BFSP1: variants seen among roughly 807,000 people sequenced by gnomAD.
The protein encoded by BFSP1 is filensin.
In BFSP1, 38 loss-of-function variants were observed where a neutral mutation model predicts 43.9. The ratio of observed to expected loss-of-function variants is 0.87; its 90% confidence interval spans 0.67 to 1.14. The LOEUF is 1.14. BFSP1 is among the 50% of genes most tolerant of loss of function. The pLI is 0.00. For missense variants in BFSP1, 850 were observed against 875.1 expected, an observed-to-expected ratio of 0.97 and a Z score of 0.36; for synonymous variants, 352 against 354.8, an observed-to-expected ratio of 0.99 and a Z score of 0.09.
chr20:17,513,002 C>T (rs2034122023), intron 3 of BFSP1, among the ~76,000 whole-genome samples: 1 of 152,206 alleles, frequency 6.6e-6, no homozygotes, highest in South Asian at 2.1e-4. Flanking sequence ...CCTTGGCCAA[C>T]AAATGGTCAT....
chr20:17,506,000 A>C (rs1227995252), intron 5 of BFSP1, among the ~76,000 whole-genome samples: 1 of 152,218 alleles, frequency 6.6e-6, no homozygotes, highest in Non-Finnish European at 1.5e-5. Flanking sequence ...ACCCTTTTTT[A>C]AGGAAAGGAG....
intron 1 of BFSP1, among the ~76,000 whole-genome samples, chr20:17,557,892 C>T (rs2123597543): frequency 1.3e-5 from 2 of 152,170 alleles, no homozygotes; most frequent in East Asian, 3.8e-4. Context: ...ATACAATGGC[C>T]TTTTCATTGG....
intron 2 of BFSP1, among the ~76,000 whole-genome samples, chr20:17,523,483 G>C (rs2034357519): frequency 6.6e-6 from 1 of 151,900 alleles, no homozygotes; most frequent in Admixed American, 6.6e-5. Context: ...ATGAGCTACA[G>C]GTGTCAGCAG....
chr20:17,504,509 G>A (rs1183416054), intron 5 of BFSP1, among the ~76,000 whole-genome samples: 1 of 152,186 alleles, frequency 6.6e-6, no homozygotes, highest in Non-Finnish European at 1.5e-5. Context: ...TCCAGCAGGG[G>A]AGGCACGCCC....
At chr20:17,515,757 T>G (rs2034185996) in intron 2 of BFSP1, among the ~76,000 whole-genome samples, 1 of 152,246 alleles carries the variant, frequency 6.6e-6, no homozygotes, top group African/African-American at 2.4e-5. Flanking sequence ...AAGATACCTC[T>G]GCCATGCACA....
intron 1 of BFSP1, among the ~76,000 whole-genome samples, chr20:17,553,988 T>C (rs1354883782): frequency 6.6e-6 from 1 of 150,896 alleles, no homozygotes; most frequent in African/African-American, 2.4e-5. Flanking sequence ...GCAGATGGCA[T>C]ATTTTTAGCA....
intron 2 of BFSP1, chr20:17,516,987 C>T: frequency 1.3e-6 from 1 of 761,282 alleles, no homozygotes; most frequent in Non-Finnish European, 2.4e-6. Context: ...TGCTAGCAAG[C>T]AACTGGAGGA....
At chr20:17,558,711 CCTT>C (rs1325778528) in exon 1 of BFSP1, 2 of 1,551,934 alleles carry the variant, frequency 1.3e-6, no homozygotes, top group African/African-American at 1.4e-5. Context: ...CATGGAGGCT[CCTT>C]CTGTGAAATT....
At chr20:17,556,461 T>G (rs1232236914) in intron 1 of BFSP1, among the ~76,000 whole-genome samples, 1 of 151,966 alleles carries the variant, frequency 6.6e-6, no homozygotes, top group Non-Finnish European at 1.5e-5. Context: ...ATCACACCAC[T>G]GCACTCCAGC....
At chr20:17,538,542 A>C (rs1182088454) in intron 1 of BFSP1, among the ~76,000 whole-genome samples, 2 of 152,210 alleles carry the variant, frequency 1.3e-5, no homozygotes, top group Non-Finnish European at 2.9e-5. Flanking sequence ...TGGTATCATG[A>C]TCTCAGCAAC....
intron 1 of BFSP1, among the ~76,000 whole-genome samples, chr20:17,566,750 G>T (rs1481984514): frequency 6.6e-6 from 1 of 152,192 alleles, no homozygotes; most frequent in Non-Finnish European, 1.5e-5. Flanking sequence ...TGCCTCCTGG[G>T]TTCAAGCAAT....
chr20:17,518,096 G>A (rs899930189), intron 2 of BFSP1, among the ~76,000 whole-genome samples: 2 of 152,292 alleles, frequency 1.3e-5, no homozygotes, highest in Admixed American at 1.3e-4. Context: ...CAGCACCACT[G>A]CCCACTGGGA....
Position 17,507,569 on chromosome 20 carries a change from CAT to C in BFSP1, c.735+1318_735+1319del, listed in dbSNP as rs2033969112. Among the ~76,000 whole-genome samples the C allele has an allele frequency of 6.6e-6, 1 of 151,972 alleles. No homozygotes were observed. The highest frequency in any genetic ancestry group is 2.4e-5 in the African/African-American group (1 of 41,364). On this transcript the variant is annotated intron_variant, in intron 5 of 7. Coordinates refer to ENST00000377873, the MANE Select transcript of BFSP1 (RefSeq NM_001195.5). The surrounding 1 kb of genome is among the most constrained non-coding windows in gnomAD (Gnocchi z 4.4). ...CCTATTCACATACACAGCACACACACATACACATGACACACACACACCACACA... is the reference window on the plus strand; with the variant it reads ...CCTATTCACATACACAGCACACACACACACATGACACACACACACCACACA...
Position 17,546,763 on chromosome 20 carries a change from C to T in BFSP1, c.2+11925G>A, listed in dbSNP as rs540609355. Among the ~76,000 whole-genome samples the T allele has an allele frequency of 7.6e-4, 115 of 152,102 alleles. 1 individual carries two copies. The highest frequency in any genetic ancestry group is 2.7e-3 in the African/African-American group (111 of 41,508). Reference sequence around the variant, plus strand: ...TGTTTCAGCTAGGAGCGGTGGCTTACGCCTGTAATCCCAATACTTTGGGAG... The same window carrying T: ...TGTTTCAGCTAGGAGCGGTGGCTTATGCCTGTAATCCCAATACTTTGGGAG... On this transcript the variant is annotated intron_variant, in intron 1 of 7. Coordinates refer to the BFSP1 transcript ENST00000377868.
At chr20:17,545,227 T>C (rs925939915) in intron 1 of BFSP1, among the ~76,000 whole-genome samples, 3 of 152,152 alleles carry the variant, frequency 2.0e-5, no homozygotes, top group African/African-American at 4.8e-5. Context: ...AGGCAAAGCA[T>C]GAGCATTGAC....
At chr20:17,508,686 A>C (rs1171021001) in intron 5 of BFSP1, among the ~76,000 whole-genome samples, 2 of 151,668 alleles carry the variant, frequency 1.3e-5, no homozygotes, top group Non-Finnish European at 2.9e-5. Context: ...CCAGCTCAGG[A>C]CTCTCCCTGT....
Position 17,548,289 on chromosome 20 carries a change from A to T in BFSP1, c.2+10399T>A, listed in dbSNP as rs571223026. On this transcript the variant is annotated intron_variant, in intron 1 of 7. Coordinates refer to the BFSP1 transcript ENST00000377868. ...TCTCTAGTCTCTCATTTTTATTAAA[A>T]ACAAATTATGGTACGATCAATTTAT... is the stretch of plus-strand genomic sequence containing the variant. Among the ~76,000 whole-genome samples the T allele has an allele frequency of 3.9e-5, 6 of 152,238 alleles. No homozygotes were observed. In the South Asian group the frequency reaches 1.2e-3, roughly 32 times the overall value.
intron 1 of BFSP1, among the ~76,000 whole-genome samples, chr20:17,527,652 C>T (rs2034450512): frequency 6.6e-6 from 1 of 152,024 alleles, no homozygotes; most frequent in South Asian, 2.1e-4. Flanking sequence ...AGCGTGAACC[C>T]AGGAGGCAGA....
At chr20:17,538,861 T>C (rs8120096) in intron 1 of BFSP1, among the ~76,000 whole-genome samples, 4,463 of 152,202 alleles carry the variant, frequency 0.029, 219 homozygotes, top group African/African-American at 0.1. Context: ...CCTATATTTC[T>C]CTCTAAGATA....
Sources: allele counts gnomAD v4.1 joint callset (sites outside exome capture counted in the v4.1 genomes callset), GRCh38; gene constraint gnomAD v4.1.1; non-coding constraint Gnocchi (gnomAD v3.1); transcripts MANE v1.5; gene names NCBI Gene and HGNC (gene_info 2026-07-23, HGNC 2026-07-21).